The following SPATA13 variants were observed in gnomAD, a reference collection of about 807,000 sequenced individuals.
The protein encoded by SPATA13 is spermatogenesis associated 13, also known as spermatogenesis-associated protein 13.
SPATA13 carries 50 observed loss-of-function variants against 104.0 expected under a neutral mutation model. The ratio of observed to expected loss-of-function variants is 0.48; its 90% CI spans 0.38 to 0.61. SPATA13 has a LOEUF of 0.61. Ranked by LOEUF, SPATA13 falls within the 20% of genes least tolerant of loss-of-function variation. The pLI is 0.00. For synonymous variants in SPATA13, 606 were observed against 667.5 expected (o/e 0.91, Z 1.42); for missense variants, 1,524 against 1,690.6 (o/e 0.90, Z 1.73).
In SPATA13 at chr13:24,009,365, G is replaced by A. The variant is rs193091814; in HGVS notation, c.-146-8302G>A. The stretch of plus-strand genomic sequence containing the variant: ...AATCACACTCTGTAAAATATTTGAA[G>A]GGATTCATTCTGAGCCAAATATGAG... On this transcript the variant is annotated intron_variant, in intron 2 of 14. Transcript: ENST00000424834. Among the ~76,000 whole-genome samples, 8 of 152,320 alleles carry A rather than the reference G, an allele frequency of 5.3e-5. No individual in the cohort carries two copies. The East Asian group carries it at 1.3e-3, about 26-fold the overall frequency.
intron 1 of SPATA13, among the ~76,000 whole-genome samples, chr13:24,204,208 C>A (rs1870574847): frequency 6.6e-6 from 1 of 152,130 alleles, no homozygotes; most frequent in Admixed American, 6.5e-5. Context: ...AGGAATAATA[C>A]CATTTAATTC....
intron 3 of SPATA13, among the ~76,000 whole-genome samples, chr13:24,047,941 C>G (rs1303235719): frequency 6.6e-6 from 1 of 152,194 alleles, no homozygotes; most frequent in South Asian, 2.1e-4. Flanking sequence ...CTGGTCCAAG[C>G]CCAAAGGCCC....
chr13:24,254,426 G>A (rs1873677346), intron 4 of SPATA13: 2 of 152,260 alleles, frequency 1.3e-5, no homozygotes, highest in South Asian at 4.1e-4. Flanking sequence ...AGGGCAGTAT[G>A]GCAACTTCTG....
chr13:24,279,472 A>T (rs1247136390), intron 4 of SPATA13, among the ~76,000 whole-genome samples: 1 of 152,150 alleles, frequency 6.6e-6, no homozygotes, highest in East Asian at 1.9e-4. Flanking sequence ...CAGGGGTGGC[A>T]GCAGGGAGAC....
intron 3 of SPATA13, among the ~76,000 whole-genome samples, chr13:24,018,251 G>C (rs888166275): frequency 6.6e-6 from 1 of 152,172 alleles, no homozygotes; most frequent in Admixed American, 6.5e-5. Context: ...CTTAAGTCCT[G>C]TTGTAGATTA....
intron 3 of SPATA13, among the ~76,000 whole-genome samples, chr13:24,072,495 T>C (rs1566093114): frequency 1.3e-5 from 2 of 152,202 alleles, no homozygotes; most frequent in East Asian, 1.9e-4. Context: ...TCAGGGCTTC[T>C]GATGCACCTA....
chr13:24,185,063 G>C (rs1869061180), intron 1 of SPATA13, among the ~76,000 whole-genome samples: 1 of 152,148 alleles, frequency 6.6e-6, no homozygotes, highest in South Asian at 2.1e-4. Context: ...TTCTCCAGGG[G>C]ACCTGCTCTG....
At chr13:24,037,453 G>A (rs1186948986) in intron 3 of SPATA13, among the ~76,000 whole-genome samples, 1 of 151,966 alleles carries the variant, frequency 6.6e-6, no homozygotes. Flanking sequence ...TGTTGCCCAG[G>A]CTGGAGTGCA....
At chr13:23,998,437 G>T (rs2765171) in intron 2 of SPATA13, among the ~76,000 whole-genome samples, 116,238 of 151,260 alleles carry the variant, frequency 0.77, 44,768 homozygotes, top group African/African-American at 0.8. Context: ...TGTTATTGCA[G>T]TTGAGAGTGT....
intron 3 of SPATA13, among the ~76,000 whole-genome samples, chr13:24,031,837 G>T (rs1877495010): frequency 6.6e-6 from 1 of 152,276 alleles, no homozygotes; most frequent in African/African-American, 2.4e-5. Flanking sequence ...ACACCCTCTG[G>T]ATTTCCAAGA....
At chr13:24,257,795 A>C (rs975445934) in intron 4 of SPATA13, among the ~76,000 whole-genome samples, 6 of 152,134 alleles carry the variant, frequency 3.9e-5, no homozygotes, top group African/African-American at 1.4e-4. Context: ...CACATTTTTC[A>C]TTAGGAAACA....
Position 24,015,297 on chromosome 13 carries a change from C to T in SPATA13, c.-146-2370C>T, listed in dbSNP as rs1876659678. Among the ~76,000 whole-genome samples, 5 of 152,154 alleles carry T rather than the reference C, an allele frequency of 3.3e-5. No individual in the cohort carries two copies. The South Asian group carries it at 1.0e-3, about 31-fold the overall frequency. On this transcript the variant is annotated intron_variant, in intron 2 of 14. Transcript: ENST00000424834. ...CATCGCTGAAAGCCAGAGTTTACTG[C>T]AAAATAGACACATGACATTATTTAA... is the stretch of plus-strand genomic sequence containing the variant.
At position 24,223,655 on chromosome 13, in the gene SPATA13, T is replaced by A; in HGVS notation, c.726T>A (p.Pro242=). Residue 242 remains proline, a synonymous_variant, in exon 2 of 13, where the codon CCT becomes CCA. Transcript: ENST00000382108. ...PAVCEILVRD[P]ENNSMGYRRS... is the part of the protein sequence containing the mutation. ...TGTGTGAGATTCTCGTGAGGGACCC[T>A]GAAAACAACAGCATGGGCTACAGGA... The A allele has an allele frequency of 6.4e-7, 1 of 1,552,154 alleles. No individual in the cohort carries two copies.
At chr13:24,023,243 C>T (rs1877064815) in intron 3 of SPATA13, among the ~76,000 whole-genome samples, 1 of 152,090 alleles carries the variant, frequency 6.6e-6, no homozygotes, top group Admixed American at 6.5e-5. Context: ...ATCCATGTCC[C>T]TGCAAAGGAC....
chr13:24,036,206 A>AT (rs1344748389), intron 3 of SPATA13, among the ~76,000 whole-genome samples: 1 of 152,192 alleles, frequency 6.6e-6, no homozygotes, highest in Non-Finnish European at 1.5e-5. Flanking sequence ...GAAAGTATCT[A>AT]TATTTTCCAA....
At position 24,062,278 on chromosome 13, in the gene SPATA13, C is replaced by T. The variant is rs555501450; in HGVS notation, c.-112+44577C>T. On this transcript the variant is annotated intron_variant, in intron 3 of 14. Coordinates refer to the SPATA13 transcript ENST00000424834. ...TTCTCATGGTTCAAAGTGCTGTTGG[C>T]GGAGCACAATGCAAAATCCTGTGGA... Among the ~76,000 whole-genome samples the T allele has an allele frequency of 4.6e-5, 7 of 152,302 alleles. No homozygotes were observed. The South Asian group carries it at 1.2e-3, about 27-fold the overall frequency.
chr13:24,068,879 G>GT (rs1432995340), intron 3 of SPATA13, among the ~76,000 whole-genome samples: 1 of 152,112 alleles, frequency 6.6e-6, no homozygotes, highest in Non-Finnish European at 1.5e-5. Context: ...TTGTAAATGT[G>GT]TTTAAGTTCC....
chr13:24,173,789 C>G (rs1883099453), intron 1 of SPATA13, among the ~76,000 whole-genome samples: 1 of 152,082 alleles, frequency 6.6e-6, no homozygotes, highest in African/African-American at 2.4e-5. Context: ...CTGAATCAGT[C>G]TTGGATCCCT....
intron 3 of SPATA13, among the ~76,000 whole-genome samples, chr13:24,060,582 T>C (rs1319951012): frequency 6.6e-6 from 1 of 151,998 alleles, no homozygotes; most frequent in Non-Finnish European, 1.5e-5. Context: ...AATTGACAAA[T>C]AGGATCTAAT....
Sources: gnomAD v4.1 joint callset for allele counts (sites outside exome capture counted in the v4.1 genomes callset) on GRCh38, gnomAD v4.1.1 for gene constraint, MANE v1.5 for transcripts, NCBI Gene and HGNC (gene_info 2026-07-23, HGNC 2026-07-21) for gene names.